Variants in MRPL45 observed in about 807,000 individuals in gnomAD.
MRPL45 encodes the protein mitochondrial ribosomal protein L45.
MRPL45 carries 20 observed loss-of-function variants against 38.1 expected under a neutral mutation model. That is an observed-to-expected ratio of 0.53 (90% confidence interval 0.37 to 0.76). The LOEUF is 0.76. Among genes scored for constraint, MRPL45 ranks in the 30% least tolerant of loss-of-function variants. The pLI, the probability that MRPL45 is intolerant of heterozygous loss-of-function variation, is 0.00. For synonymous variants in MRPL45, 105 were observed against 128.8 expected (o/e 0.82, Z 1.25); for missense variants, 337 against 395.6 (o/e 0.85, Z 1.26).
intron 4 of MRPL45, among the ~76,000 whole-genome samples, chr17:38,309,052 G>C (rs2037081882): frequency 6.6e-6 from 1 of 150,910 alleles, no homozygotes; most frequent in African/African-American, 2.4e-5. Flanking sequence ...AACTACAGGT[G>C]CCTGCCACCA....
Position 38,303,994 on chromosome 17 carries a change from GT to G in MRPL45, c.363-2535del, listed in dbSNP as rs1194193302. 3.9e-5 allele frequency among the ~76,000 whole-genome samples: 6 copies of G among 152,166 alleles called. No homozygotes were observed. In the East Asian group the frequency reaches 1.2e-3, roughly 29 times the overall value. ...TGTTGCTTGGATCCTATGTCTTTAT[GT>G]TTTCATAGTCTATTTCATTACTTTG... On this transcript the variant is annotated intron_variant, in intron 3 of 7. Coordinates refer to ENST00000613675, the MANE Select transcript of MRPL45 (RefSeq NM_032351.6).
intron 4 of MRPL45, among the ~76,000 whole-genome samples, chr17:38,313,351 TATATATATATATATAC>T: frequency 5.0e-5 from 1 of 20,048 alleles, no homozygotes; most frequent in African/African-American, 2.3e-4. Context: ...TATATACGTA[TATATATATATATATAC>T]GTATATATAT....
chr17:38,305,382 G>A (rs2037041913), intron 3 of MRPL45, among the ~76,000 whole-genome samples: 1 of 144,042 alleles, frequency 6.9e-6, no homozygotes, highest in Non-Finnish European at 1.5e-5. Context: ...CAGGAGAATT[G>A]CTTGAACCCA....
At chr17:38,304,280 C>T (rs147035492) in intron 3 of MRPL45, among the ~76,000 whole-genome samples, 2 of 152,126 alleles carry the variant, frequency 1.3e-5, no homozygotes, top group East Asian at 1.9e-4. Context: ...ACCAGCTGGG[C>T]AACACAGTGA....
At chr17:38,313,339 T>TG (rs2037140683) in intron 4 of MRPL45, among the ~76,000 whole-genome samples, 1 of 19,106 alleles carries the variant, frequency 5.2e-5, no homozygotes. Flanking sequence ...TATACATATA[T>TG]ATATATACGT....
intron 3 of MRPL45, 109 bp from the exon 4 acceptor site, chr17:38,306,424 A>AC: frequency 7.3e-7 from 1 of 1,366,208 alleles, no homozygotes; most frequent in Non-Finnish European, 9.9e-7. Context: ...AAAAAAAAAA[A>AC]GCTAAACAGT....
intron 6 of MRPL45, 60 bp from the exon 7 acceptor site, chr17:38,322,066 A>C (rs1597658020): frequency 6.5e-7 from 1 of 1,546,356 alleles, no homozygotes; most frequent in East Asian, 2.3e-5. Context: ...CAATAAAACA[A>C]ACAACTCACA....
chr17:38,316,064 T>C (rs1031450270), intron 4 of MRPL45, among the ~76,000 whole-genome samples: 2 of 152,172 alleles, frequency 1.3e-5, no homozygotes, highest in Non-Finnish European at 2.9e-5. Context: ...TATGAGCCAT[T>C]GTGCCTGGCC....
intron 6 of MRPL45, among the ~76,000 whole-genome samples, chr17:38,321,865 T>C (rs1184697514): frequency 2.0e-5 from 3 of 150,746 alleles, no homozygotes; most frequent in Non-Finnish European, 4.4e-5. Context: ...CCATCTCTAC[T>C]AAAAAAGACA....
chr17:38,303,290 A>ATTTTG, intron 3 of MRPL45, among the ~76,000 whole-genome samples: 1 of 103,428 alleles, frequency 9.7e-6, no homozygotes, highest in Non-Finnish European at 1.9e-5. Flanking sequence ...AAAACATTAA[A>ATTTTG]TTTTTTTTTT....
At chr17:38,315,421 A>C (rs866450657) in intron 4 of MRPL45, among the ~76,000 whole-genome samples, 18 of 141,980 alleles carry the variant, frequency 1.3e-4, no homozygotes, top group African/African-American at 4.1e-4. Flanking sequence ...CACCTGGCTA[A>C]TTTTTTTTTT....
chr17:38,320,857 C>T (rs1463681942), intron 6 of MRPL45, 90 bp downstream of exon 6: 2 of 1,256,964 alleles, frequency 1.6e-6, no homozygotes, highest in Admixed American at 1.8e-5. Context: ...TTGCCCAGGA[C>T]TGTAGACAGT....
intron 3 of MRPL45, among the ~76,000 whole-genome samples, chr17:38,305,838 T>C (rs1164400833): frequency 1.3e-5 from 2 of 151,856 alleles, no homozygotes; most frequent in African/African-American, 2.4e-5. Context: ...AGATGGGGTT[T>C]CACCCTGTTG....
At chr17:38,315,732 ATTTC>A (rs1457340209) in intron 4 of MRPL45, among the ~76,000 whole-genome samples, 2 of 139,654 alleles carry the variant, frequency 1.4e-5, no homozygotes, top group African/African-American at 5.3e-5. Flanking sequence ...TGCAGCCATT[ATTTC>A]TTTTTCTTTC....
intron 3 of MRPL45, among the ~76,000 whole-genome samples, chr17:38,303,789 C>T (rs1427507535): frequency 5.3e-5 from 8 of 150,768 alleles, no homozygotes; most frequent in Non-Finnish European, 1.0e-4. Flanking sequence ...TGCAGTGGTG[C>T]GATCTCAGCT....
In MRPL45 at chr17:38,322,325, G is replaced by C. The variant is rs780817363; in HGVS notation, c.834+26G>C. 5 of 1,610,526 alleles carry C rather than the reference G, an allele frequency of 3.1e-6. No individual in the cohort carries two copies. In the East Asian group the frequency reaches 8.9e-5, roughly 29 times the overall value. On this transcript the variant is annotated intron_variant, in intron 7 of 7. Transcript: ENST00000613675. The stretch of plus-strand genomic sequence containing the variant: ...GTAAGGTGGCTTGCATGGTTTAAGA[G>C]AGCTGAGGCACTACTCGTGGTCTCC...
Position 38,322,761 on chromosome 17 carries a change from C to T in MRPL45, c.*166C>T. ...AGCAACCATGACTGATGACTGGGCC[C>T]TAGCAGGTGGCAGGTATAACATGGC... is the stretch of plus-strand genomic sequence containing the variant. On this transcript the variant is annotated 3_prime_UTR_variant, in exon 8 of 8. Coordinates refer to ENST00000613675, the MANE Select transcript of MRPL45 (RefSeq NM_032351.6). 4 of 594,676 alleles carry T rather than the reference C, an allele frequency of 6.7e-6. No individual in the cohort carries two copies. Among genetic ancestry groups the T allele is most frequent in the Non-Finnish European group, 8.9e-6 (3 of 338,436 alleles). 36.8% of individuals were successfully genotyped at this position (594,676 alleles called of 1,614,324 possible). A position where few individuals can be genotyped will look rare whatever the true frequency, so the allele number is the denominator to read the frequency against.
At chr17:38,298,944 A>G (rs2036964386) in intron 2 of MRPL45, among the ~76,000 whole-genome samples, 1 of 151,718 alleles carries the variant, frequency 6.6e-6, no homozygotes, top group Non-Finnish European at 1.5e-5. Context: ...TCTGTCGCCC[A>G]GTGGCACAAT....
intron 4 of MRPL45, among the ~76,000 whole-genome samples, chr17:38,310,134 T>TC (rs1555561643): frequency 2.7e-5 from 4 of 148,338 alleles, no homozygotes; most frequent in Non-Finnish European, 6.0e-5. Flanking sequence ...AATTTTCTTT[T>TC]TTTTTTTTTT....
Sources: allele counts gnomAD v4.1 joint callset (sites outside exome capture counted in the v4.1 genomes callset), GRCh38; gene constraint gnomAD v4.1.1; transcripts MANE v1.5; gene names NCBI Gene and HGNC (gene_info 2026-07-23, HGNC 2026-07-21).